Variants in PRKN observed in about 807,000 individuals in gnomAD.
The protein encoded by PRKN is E3 ubiquitin-protein ligase parkin.
Under a neutral mutation model 59.5 loss-of-function variants are expected in PRKN, and 56 were observed. That is an observed-to-expected ratio of 0.94 (90% CI 0.76 to 1.18). The LOEUF (loss-of-function observed/expected upper bound fraction) is 1.18. PRKN is among the 50% of genes most tolerant of loss of function. The pLI is 0.00. For synonymous variants in PRKN, 250 were observed against 222.1 expected (o/e 1.13, Z -1.12); for missense variants, 657 against 596.4 (o/e 1.10, Z -1.06).
At chr6:161,650,492 A>C (rs1329550457) in intron 7 of PRKN, among the ~76,000 whole-genome samples, 1 of 152,192 alleles carries the variant, frequency 6.6e-6, no homozygotes, top group Non-Finnish European at 1.5e-5. Context: ...ATTGTAAGTG[A>C]CATCTGCAAA....
chr6:162,697,390 G>A (rs1172130123), intron 1 of PRKN, among the ~76,000 whole-genome samples: 1 of 151,998 alleles, frequency 6.6e-6, no homozygotes, highest in Non-Finnish European at 1.5e-5. Context: ...GACCTTCCTA[G>A]CCCTGTAGCC....
chr6:162,046,011 T>C (rs1784234658), intron 5 of PRKN, among the ~76,000 whole-genome samples: 1 of 152,242 alleles, frequency 6.6e-6, no homozygotes, highest in Non-Finnish European at 1.5e-5. Context: ...TTTATAAATC[T>C]ATTTGAAATT....
rs1029072151 is a variant in PRKN at position 161,362,255 on chromosome 6, G to A, written c.1168-2050C>T. ...GGAAAAAAATCTTTTTTAAACGTAC[G>A]GCTGATAGGGTGGGAAGGCAAAGGA... is the stretch of plus-strand genomic sequence containing the variant. On this transcript the variant is annotated intron_variant, in intron 10 of 11. Coordinates refer to ENST00000366898, the MANE Select transcript of PRKN (RefSeq NM_004562.3). This position sits in a 1 kb window ranked among gnomAD's most constrained non-coding sequence, Gnocchi z 5.2. Among the ~76,000 whole-genome samples, 4 of 152,130 alleles carry A rather than the reference G, an allele frequency of 2.6e-5. No homozygotes were observed. Among genetic ancestry groups the A allele is most frequent in the Non-Finnish European group, 4.4e-5 (3 of 68,032 alleles).
intron 9 of PRKN, among the ~76,000 whole-genome samples, chr6:161,539,855 AT>A (rs1413156891): frequency 6.6e-6 from 1 of 152,168 alleles, no homozygotes; most frequent in African/African-American, 2.4e-5. Flanking sequence ...CATTCTGTGT[AT>A]TAAAAGTGAT....
At chr6:162,347,728 CCATTA>C (rs1338026478) in intron 2 of PRKN, among the ~76,000 whole-genome samples, 1 of 151,984 alleles carries the variant, frequency 6.6e-6, no homozygotes, top group Non-Finnish European at 1.5e-5. Context: ...TAGAAATCTC[CCATTA>C]CATTGCTGAA....
chr6:162,033,891 A>G (rs1035521496), intron 5 of PRKN, among the ~76,000 whole-genome samples: 14 of 152,238 alleles, frequency 9.2e-5, no homozygotes, highest in Admixed American at 7.8e-4. Flanking sequence ...TGTAGAATGC[A>G]TGAATCAATA....
At chr6:162,466,862 A>C (rs1026715507) in intron 1 of PRKN, among the ~76,000 whole-genome samples, 6 of 152,070 alleles carry the variant, frequency 3.9e-5, no homozygotes, top group Admixed American at 6.6e-5. Context: ...ATCACTGCTA[A>C]GTAAGGTAAC....
In PRKN at chr6:161,397,514, C is replaced by A. The variant is rs531348115; in HGVS notation, c.1084-10637G>T. On this transcript the variant is annotated intron_variant, in intron 9 of 11. Transcript: ENST00000366898. This position sits in a 1 kb window ranked among gnomAD's most constrained non-coding sequence, Gnocchi z 4.2. ...GCTTAATTGACTGCCTCTCTTCTAACAACTTCTCAAAATCTATTCCACCCT... is the reference window on the plus strand; with the variant it reads ...GCTTAATTGACTGCCTCTCTTCTAAAAACTTCTCAAAATCTATTCCACCCT... Among the ~76,000 whole-genome samples, 1 of 152,320 alleles carries A rather than the reference C, an allele frequency of 6.6e-6. No homozygotes were observed. Among genetic ancestry groups the A allele is most frequent in the East Asian group, 1.9e-4 (1 of 5,188 alleles).
chr6:162,521,790 A>G (rs1262673170), intron 1 of PRKN, among the ~76,000 whole-genome samples: 5 of 152,168 alleles, frequency 3.3e-5, no homozygotes, highest in African/African-American at 1.2e-4. Context: ...AAAATATTAT[A>G]TGGTTCAAAT....
At position 161,355,461 on chromosome 6, in the gene PRKN, G is replaced by A. The variant is rs1784711095; in HGVS notation, c.1285+4627C>T. Among the ~76,000 whole-genome samples, 1 of 152,202 alleles carries A rather than the reference G, an allele frequency of 6.6e-6. No homozygotes were observed. Among genetic ancestry groups the A allele is most frequent in the African/African-American group, 2.4e-5 (1 of 41,450 alleles). ...GTGTCACCCAGGCCGAAGTGCAATG[G>A]TGCAATCTTGGCTCACTGCAACCTC... On this transcript the variant is annotated intron_variant, in intron 11 of 11. Transcript: ENST00000366898. The surrounding 1 kb of genome is among the most constrained non-coding windows in gnomAD (Gnocchi z 6.8).
intron 1 of PRKN, among the ~76,000 whole-genome samples, chr6:162,618,938 TAAA>T (rs770720495): frequency 1.3e-4 from 20 of 152,190 alleles, no homozygotes; most frequent in Non-Finnish European, 2.9e-4. Context: ...TCCAACTTCT[TAAA>T]AAGTACAGGA....
chr6:162,018,570 T>C (rs1783016759), intron 5 of PRKN, among the ~76,000 whole-genome samples: 1 of 152,228 alleles, frequency 6.6e-6, no homozygotes, highest in Non-Finnish European at 1.5e-5. Context: ...TCTTGACAGA[T>C]GTGTTTTAGG....
chr6:161,570,192 A>C (rs1422138099), intron 7 of PRKN, among the ~76,000 whole-genome samples: 1 of 143,850 alleles, frequency 7.0e-6, no homozygotes, highest in Non-Finnish European at 1.5e-5. Flanking sequence ...CACAATTAAA[A>C]TACGTATGTA....
chr6:162,124,321 C>G (rs1478045354), intron 4 of PRKN, among the ~76,000 whole-genome samples: 1 of 152,100 alleles, frequency 6.6e-6, no homozygotes, highest in East Asian at 1.9e-4. Flanking sequence ...GTAATGAATT[C>G]TCTACTTAAA....
Position 161,390,117 on chromosome 6 carries a change from T to A in PRKN, c.1084-3240A>T, listed in dbSNP as rs1420472004. Among the ~76,000 whole-genome samples, 1 of 152,210 alleles carries A rather than the reference T, an allele frequency of 6.6e-6. No individual in the cohort carries two copies. The highest frequency in any genetic ancestry group is 1.5e-5 in the Non-Finnish European group (1 of 68,044). Reference sequence around the variant, plus strand: ...CTATCATGCAGTGGTCCTTCCCAATTAAGTAACATGAATCTGTCTCATGTG... The same window carrying A: ...CTATCATGCAGTGGTCCTTCCCAATAAAGTAACATGAATCTGTCTCATGTG... On this transcript the variant is annotated intron_variant, in intron 9 of 11. Coordinates refer to ENST00000366898, the MANE Select transcript of PRKN (RefSeq NM_004562.3). This position sits in a 1 kb window ranked among gnomAD's most constrained non-coding sequence, Gnocchi z 7.0.
intron 4 of PRKN, among the ~76,000 whole-genome samples, chr6:162,160,875 A>T (rs1422014673): frequency 1.5e-5 from 2 of 136,726 alleles, no homozygotes; most frequent in African/African-American, 5.5e-5. Flanking sequence ...TGGGCAACAC[A>T]GAGAGACTCC....
rs183546268 is a variant in PRKN at position 162,386,848 on chromosome 6, G to C, written c.171+56462C>G. Among the ~76,000 whole-genome samples, 57 of 152,204 alleles carry C rather than the reference G, an allele frequency of 3.7e-4. 2 individuals are homozygous for C. Among genetic ancestry groups the C allele is most frequent in the Admixed American group, 3.4e-3 (52 of 15,286 alleles). ...AAACTCAATCTAAACCTTTTTTGCAGGGTAATGTTTTATGACTAAGCAGAC... is the reference window on the plus strand; with the variant it reads ...AAACTCAATCTAAACCTTTTTTGCACGGTAATGTTTTATGACTAAGCAGAC... On this transcript the variant is annotated intron_variant, in intron 2 of 11. Coordinates refer to ENST00000366898, the MANE Select transcript of PRKN (RefSeq NM_004562.3).
At chr6:162,023,265 T>C (rs2097130) in intron 5 of PRKN, among the ~76,000 whole-genome samples, 123,506 of 152,010 alleles carry the variant, frequency 0.81, 50,838 homozygotes, top group African/African-American at 0.95. Context: ...CTTGTGTTAA[T>C]CAACTCAATT....
chr6:161,516,145 GTTACT>G (rs1778577529), intron 9 of PRKN, among the ~76,000 whole-genome samples: 1 of 152,040 alleles, frequency 6.6e-6, no homozygotes, highest in African/African-American at 2.4e-5. Context: ...TTTCCAAAGT[GTTACT>G]TTAAGAAGAA....
Sources: gnomAD v4.1 joint callset for allele counts (sites outside exome capture counted in the v4.1 genomes callset) on GRCh38, gnomAD v4.1.1 for gene constraint, Gnocchi (gnomAD v3.1) non-coding constraint, MANE v1.5 for transcripts, NCBI Gene and HGNC (gene_info 2026-07-23, HGNC 2026-07-21) for gene names.